MTSS2: variants seen among roughly 807,000 people sequenced by gnomAD.
MTSS2 encodes the protein MTSS I-BAR domain containing 2, also known as protein MTSS 2.
A neutral mutation model predicts 67.1 loss-of-function variants in MTSS2; 27 were observed. The ratio of observed to expected loss-of-function variants is 0.40; its 90% CI spans 0.30 to 0.55. MTSS2 has a LOEUF of 0.55. Among genes scored for constraint, MTSS2 ranks in the 20% least tolerant of loss-of-function variants. The pLI is 0.43. For synonymous variants in MTSS2, 624 were observed against 468.6 expected, an observed-to-expected ratio of 1.33 and a Z score of -4.28; for missense variants, 1,171 against 1,067.8, an observed-to-expected ratio of 1.10 and a Z score of -1.35.
chr16:70,666,777 T>C (rs1339473504), intron 11 of MTSS2, among the ~76,000 whole-genome samples: 1 of 152,164 alleles, frequency 6.6e-6, no homozygotes, highest in East Asian at 1.9e-4. Flanking sequence ...AGTTCAACAC[T>C]TGCTCATGAA....
At chr16:70,672,985 ATGT>A (rs1358995101) in intron 11 of MTSS2, among the ~76,000 whole-genome samples, 2 of 152,152 alleles carry the variant, frequency 1.3e-5, no homozygotes, top group African/African-American at 4.8e-5. Context: ...ACATGGCAAA[ATGT>A]TGTCTCTACT....
chr16:70,668,241 CAATACAAAA>C (rs778829091), intron 11 of MTSS2, among the ~76,000 whole-genome samples: 62 of 151,726 alleles, frequency 4.1e-4, no homozygotes, highest in Non-Finnish European at 6.2e-4. Flanking sequence ...GACAAAACCC[CAATACAAAA>C]AATACAAAAA....
At chr16:70,680,918 G>GGGGGGGGGGGGGGGGGGCCCCCCC in intron 2 of MTSS2, 46 bp downstream of exon 2, 1 of 1,097,918 alleles carries the variant, frequency 9.1e-7, no homozygotes, top group Non-Finnish European at 1.3e-6. Context: ...CGGGGGGGGG[G>GGGGGGGGGGGGGGGGGGCCCCCCC]CCTCTGCCTG....
At position 70,661,342 on chromosome 16, in the gene MTSS2, A is replaced by T. The variant is rs1421634687; in HGVS notation, c.*2335T>A. ...GGAGAATTTTTCCAAAATCTGACGGAAAGAAAAGAAACAAATGGTTCAGAT... is the reference window on the plus strand; with the variant it reads ...GGAGAATTTTTCCAAAATCTGACGGTAAGAAAAGAAACAAATGGTTCAGAT... On this transcript the variant is annotated 3_prime_UTR_variant, in exon 15 of 15. Transcript: ENST00000338779. 2.2e-6 allele frequency: 1 copy of T among 450,242 alleles called. No individual in the cohort carries two copies. The highest frequency in any genetic ancestry group is 2.4e-5 in the Admixed American group (1 of 42,150). 27.9% of individuals were successfully genotyped at this position (450,242 alleles called of 1,614,324 possible).
intron 6 of MTSS2, 45 bp downstream of exon 6, chr16:70,679,585 A>T: frequency 6.5e-7 from 1 of 1,544,536 alleles, no homozygotes. Flanking sequence ...GGGGCTGTGG[A>T]GCGGGGCCGT....
intron 11 of MTSS2, among the ~76,000 whole-genome samples, chr16:70,670,046 G>A (rs1165839703): frequency 2.0e-5 from 3 of 151,626 alleles, no homozygotes; most frequent in Non-Finnish European, 4.4e-5. Flanking sequence ...TGAGGGGGGT[G>A]GACTGCCTGA....
At chr16:70,671,870 G>A (rs1441741968) in intron 11 of MTSS2, among the ~76,000 whole-genome samples, 1 of 152,214 alleles carries the variant, frequency 6.6e-6, no homozygotes, top group Non-Finnish European at 1.5e-5. Context: ...TGGTACTCTT[G>A]CCAAAACTGT....
intron 10 of MTSS2, among the ~76,000 whole-genome samples, chr16:70,676,566 C>T (rs1224811755): frequency 6.6e-6 from 1 of 152,178 alleles, no homozygotes; most frequent in Non-Finnish European, 1.5e-5. Flanking sequence ...GACACCATTC[C>T]TGATACAGCA....
intron 1 of MTSS2, among the ~76,000 whole-genome samples, chr16:70,682,401 C>A (rs1415590800): frequency 6.6e-6 from 1 of 152,108 alleles, no homozygotes; most frequent in Non-Finnish European, 1.5e-5. Flanking sequence ...ACCCCCACCC[C>A]CACTCAGCCT....
intron 11 of MTSS2, among the ~76,000 whole-genome samples, chr16:70,666,127 G>T (rs2052705764): frequency 6.6e-6 from 1 of 152,176 alleles, no homozygotes; most frequent in Non-Finnish European, 1.5e-5. Flanking sequence ...CCAGGCCCGT[G>T]GCTGCTGATG....
rs901253308 is a variant in MTSS2 at position 70,663,309 on chromosome 16, C to G, written c.*368G>C. The G allele has an allele frequency of 4.0e-6, 1 of 247,976 alleles. No homozygotes were observed. The highest frequency in any genetic ancestry group is 9.2e-5 in the East Asian group (1 of 10,894). The allele number at this position is 247,976 out of a possible 1,614,324, so 15.4% of individuals were successfully genotyped here. On this transcript the variant is annotated 3_prime_UTR_variant, in exon 15 of 15. Coordinates refer to ENST00000338779, the MANE Select transcript of MTSS2 (RefSeq NM_138383.3). ...AGGAGGAGCTGAGGCAGGACCAGCC[C>G]TGGGAGAGGCCGGGATGGTGAAAGG... is the stretch of plus-strand genomic sequence containing the variant.
intron 11 of MTSS2, among the ~76,000 whole-genome samples, chr16:70,667,278 C>CAAAAAAAAAAAA (rs34779308): frequency 1.4e-5 from 1 of 69,788 alleles, no homozygotes; most frequent in African/African-American, 5.9e-5. Context: ...GACTCTGTCT[C>CAAAAAAAAAAAA]AAAAAAAAAA....
chr16:70,682,158 TC>T (rs780989840), intron 1 of MTSS2, among the ~76,000 whole-genome samples: 13 of 152,014 alleles, frequency 8.6e-5, no homozygotes, highest in Non-Finnish European at 1.5e-4. Context: ...AGAATCTCCC[TC>T]CCCTCCCAGC....
rs2052484855 is a variant in MTSS2, at chr16:70,661,818, G to GCCCCTCACTCTATTCCCACCA, written c.*1838_*1858dup. On this transcript the variant is annotated 3_prime_UTR_variant, in exon 15 of 15. Transcript: ENST00000338779. Reference sequence around the variant, plus strand: ...TGACGCCCAGGTCTGCCCACCCACTGCCCCTCACTCTATTCCCACCACATC... The same window carrying GCCCCTCACTCTATTCCCACCA: ...TGACGCCCAGGTCTGCCCACCCACTGCCCCTCACTCTATTCCCACCACCCCTCACTCTATTCCCACCACATC... The GCCCCTCACTCTATTCCCACCA allele has an allele frequency of 1.1e-5, 2 of 178,296 alleles. No homozygotes were observed. The highest frequency in any genetic ancestry group is 2.4e-5 in the African/African-American group (1 of 41,602). 11.0% of individuals were successfully genotyped at this position (178,296 alleles called of 1,614,324 possible).
intron 11 of MTSS2, among the ~76,000 whole-genome samples, chr16:70,672,915 C>T (rs1427165799): frequency 6.6e-6 from 1 of 152,104 alleles, no homozygotes; most frequent in Non-Finnish European, 1.5e-5. Context: ...AATCCCAGCA[C>T]TTTGGGAGGC....
At position 70,680,919 on chromosome 16, in the gene MTSS2, C is replaced by G. The variant is rs779038354; in HGVS notation, c.131+45G>C. ...GGTCGGTGGTTGGGCGGGGGGGGGG[C>G]CTCTGCCTGCCCCTCCCCTGCTGGG... On this transcript the variant is annotated intron_variant, in intron 2 of 14. Coordinates refer to ENST00000338779, the MANE Select transcript of MTSS2 (RefSeq NM_138383.3). The G allele has an allele frequency of 8.0e-4, 1,119 of 1,405,990 alleles. 3 individuals are homozygous for G. The highest frequency in any genetic ancestry group is 7.1e-3 in the African/African-American group (486 of 68,338). The allele number at this position is 1,405,990 out of a possible 1,614,324, so 87.1% of individuals were successfully genotyped here. A position where few individuals can be genotyped will look rare whatever the true frequency, so the allele number is the denominator to read the frequency against.
Position 70,661,461 on chromosome 16 carries a change from A to G in MTSS2, c.*2216T>C, listed in dbSNP as rs2052465495. On this transcript the variant is annotated 3_prime_UTR_variant, in exon 15 of 15. Coordinates refer to ENST00000338779, the MANE Select transcript of MTSS2 (RefSeq NM_138383.3). ...AATTAAAAAAAGGAACGAGTTAACA[A>G]CAGCACCAGGAAAGTTACTTCAGTC... 1.1e-5 allele frequency: 4 copies of G among 364,598 alleles called. No homozygotes were observed. The highest frequency in any genetic ancestry group is 4.1e-5 in the South Asian group (2 of 48,734). The allele number at this position is 364,598 out of a possible 1,614,324, so 22.6% of individuals were successfully genotyped here. A position where few individuals can be genotyped will look rare whatever the true frequency, so the allele number is the denominator to read the frequency against.
In MTSS2 at chr16:70,663,695, C is replaced by G. The variant is rs754005096; in HGVS notation, c.2226G>C (p.Ser742=). 35 of 1,586,864 alleles carry G rather than the reference C, an allele frequency of 2.2e-5. No individual in the cohort carries two copies. Among genetic ancestry groups the G allele is most frequent in the Middle Eastern group, 1.8e-4 (1 of 5,560 alleles). The part of the protein sequence containing the change: ...RLRRTVTNDR[S]APRIL ...GGCGCCATCATAAGATGCGGGGCGC[C>G]GACCTGTCGTTGGTGACGGTCCTGC... Residue 742 remains serine (S), a synonymous_variant, in exon 15 of 15, where the codon TCG becomes TCC. Coordinates refer to ENST00000338779, the MANE Select transcript of MTSS2 (RefSeq NM_138383.3).
rs890597127 is a variant in MTSS2, at chr16:70,686,005, C to CG, written c.-215dup. The CG allele has an allele frequency of 1.4e-5, 2 of 147,354 alleles. No homozygotes were observed. Among genetic ancestry groups the CG allele is most frequent in the South Asian group, 1.8e-4 (1 of 5,534 alleles). The allele number at this position is 147,354 out of a possible 1,614,324, so 9.1% of individuals were successfully genotyped here. A position where few individuals can be genotyped will look rare whatever the true frequency, so the allele number is the denominator to read the frequency against. ...GTCGCAGCGGGGCTGGCGGGCGGCG[C>CG]GGGGGGCGCGGCGCGGGCAGCTCGC... On this transcript the variant is annotated 5_prime_UTR_variant, in exon 1 of 15. Transcript: ENST00000338779.
Sources: gnomAD v4.1 joint callset for allele counts (sites outside exome capture counted in the v4.1 genomes callset) on GRCh38, gnomAD v4.1.1 for gene constraint, MANE v1.5 for transcripts, NCBI Gene and HGNC (gene_info 2026-07-23, HGNC 2026-07-21) for gene names.